Variants in NCKAP1 observed in about 807,000 individuals in gnomAD.
The protein encoded by NCKAP1 is nck-associated protein 1.
Under a neutral mutation model 151.2 loss-of-function variants are expected in NCKAP1, and 21 were observed. The observed-to-expected ratio is 0.14, with a 90% CI of 0.10 to 0.20. The LOEUF (loss-of-function observed/expected upper bound fraction) is 0.20, where lower values mean the gene tolerates loss of function less well. NCKAP1 is among the 10% of genes least tolerant of loss of function. The pLI, the probability that NCKAP1 is intolerant of heterozygous loss-of-function variation, is 1.00. For missense variants in NCKAP1, 933 were observed against 1,352.1 expected, an observed-to-expected ratio of 0.69 and a Z score of 4.86; for synonymous variants, 484 against 451.8, an observed-to-expected ratio of 1.07 and a Z score of -0.90.
At chr2:182,965,216 C>A (rs1423747629) in intron 16 of NCKAP1, among the ~76,000 whole-genome samples, 2 of 151,380 alleles carry the variant, frequency 1.3e-5, no homozygotes, top group African/African-American at 4.9e-5. Context: ...TGTGGTGAAA[C>A]CCTGTCTCTA....
rs1162919744 is a variant in NCKAP1, at chr2:182,923,265, T to C, written c.*2437A>G. 13 of 151,966 alleles carry C rather than the reference T, an allele frequency of 8.6e-5. No homozygotes were observed. The highest frequency in any genetic ancestry group is 8.5e-4 in the Admixed American group (13 of 15,250). The allele number at this position is 151,966 out of a possible 1,614,324, so 9.4% of individuals were successfully genotyped here. On this transcript the variant is annotated 3_prime_UTR_variant, in exon 31 of 31. Coordinates refer to ENST00000361354, the MANE Select transcript of NCKAP1 (RefSeq NM_013436.5). ...ATTGTCTAAAAATCTATCCAATCTA[T>C]CCAAATGAGTATTTTCTTTTTTTTT...
chr2:183,005,865 C>G (rs2105878934), intron 2 of NCKAP1, among the ~76,000 whole-genome samples: 1 of 152,292 alleles, frequency 6.6e-6, no homozygotes, highest in East Asian at 1.9e-4. Flanking sequence ...CATGTCCCAA[C>G]CCCACTATTC....
At chr2:182,990,050 A>C (rs574050117) in intron 8 of NCKAP1, among the ~76,000 whole-genome samples, 72 of 151,420 alleles carry the variant, frequency 4.8e-4, no homozygotes, top group Middle Eastern at 3.5e-3. Context: ...AAGAGAATCT[A>C]CTTTCCTAAT....
At chr2:182,939,328 G>A (rs1336254516) in intron 24 of NCKAP1, among the ~76,000 whole-genome samples, 1 of 151,992 alleles carries the variant, frequency 6.6e-6, no homozygotes, top group Non-Finnish European at 1.5e-5. Context: ...TCAGGAGTTC[G>A]AGACCAGCCT....
chr2:182,968,192 A>G (rs1421295214), intron 15 of NCKAP1, among the ~76,000 whole-genome samples: 1 of 152,204 alleles, frequency 6.6e-6, no homozygotes. Flanking sequence ...TTTTAGAAAG[A>G]TTACTCTGTA....
rs574895914 is a variant in NCKAP1 at position 182,925,514 on chromosome 2, C to T, written c.*188G>A. ...AATCTCAGTGAATTCAGTGAATGTGCAACCTAAATCAACCAAGTATACTGT... is the reference window on the plus strand; with the variant it reads ...AATCTCAGTGAATTCAGTGAATGTGTAACCTAAATCAACCAAGTATACTGT... On this transcript the variant is annotated 3_prime_UTR_variant, in exon 31 of 31. Coordinates refer to ENST00000361354, the MANE Select transcript of NCKAP1 (RefSeq NM_013436.5). The T allele has an allele frequency of 1.5e-4, 52 of 356,594 alleles. No individual in the cohort carries two copies. The highest frequency in any genetic ancestry group is 1.6e-3 in the Middle Eastern group (2 of 1,244). The allele number at this position is 356,594 out of a possible 1,614,324, so 22.1% of individuals were successfully genotyped here. A position where few individuals can be genotyped will look rare whatever the true frequency, so the allele number is the denominator to read the frequency against.
chr2:182,937,730 C>T (rs2105807239), intron 24 of NCKAP1, among the ~76,000 whole-genome samples: 1 of 152,140 alleles, frequency 6.6e-6, no homozygotes, highest in South Asian at 2.1e-4. Context: ...TGTGACACAC[C>T]AATTTGTAAA....
intron 1 of NCKAP1, among the ~76,000 whole-genome samples, chr2:183,035,727 A>T (rs1699088539): frequency 6.6e-6 from 1 of 152,186 alleles, no homozygotes; most frequent in South Asian, 2.1e-4. Context: ...ATAGGCTGAA[A>T]GATCCAAAAT....
At chr2:182,992,852 C>A (rs1187624226) in intron 8 of NCKAP1, among the ~76,000 whole-genome samples, 1 of 152,006 alleles carries the variant, frequency 6.6e-6, no homozygotes, top group Non-Finnish European at 1.5e-5. Flanking sequence ...GGAGTAGAAA[C>A]TTAATAATCT....
intron 4 of NCKAP1, among the ~76,000 whole-genome samples, chr2:183,002,771 T>C (rs1698398159): frequency 6.6e-6 from 1 of 152,008 alleles, no homozygotes; most frequent in South Asian, 2.1e-4. Flanking sequence ...TTTCCCAATA[T>C]GTACAAGACT....
rs1349618581 is a variant in NCKAP1, at chr2:182,942,105, G to C, written c.2660C>G (p.Pro887Arg). The C allele has an allele frequency of 6.2e-7, 1 of 1,613,286 alleles. No individual in the cohort carries two copies. The highest frequency in any genetic ancestry group is 8.5e-7 in the Non-Finnish European group (1 of 1,179,504). The change falls in exon 24 of 31, where the codon CCA (proline) becomes CGA (arginine). Residue 887 changes from proline to arginine, a missense_variant. By Grantham distance (103) the Pro-to-Arg change is moderately radical. Coordinates refer to ENST00000361354, the MANE Select transcript of NCKAP1 (RefSeq NM_013436.5). ...LTQMRTSFDK[P>R]DQMAALFKRL... Reference sequence around the variant, plus strand: ...TTTAAACAGTGCAGCCATCTGGTCTGGTTTGTCAAAGCTGGTCCTCATTTG... The same window carrying C: ...TTTAAACAGTGCAGCCATCTGGTCTCGTTTGTCAAAGCTGGTCCTCATTTG...
chr2:182,977,300 G>T (rs553343598), intron 14 of NCKAP1, among the ~76,000 whole-genome samples: 16 of 152,158 alleles, frequency 1.1e-4, no homozygotes, highest in African/African-American at 3.4e-4. Flanking sequence ...GACTAGCCTG[G>T]CCAACGTAGT....
intron 13 of NCKAP1, among the ~76,000 whole-genome samples, chr2:182,980,927 T>C (rs1434565196): frequency 1.3e-5 from 2 of 152,174 alleles, no homozygotes; most frequent in Non-Finnish European, 2.9e-5. Context: ...TTTTAAGTAG[T>C]ACACCTGATT....
chr2:183,000,003 G>T (rs974757197), intron 6 of NCKAP1, among the ~76,000 whole-genome samples: 4 of 152,132 alleles, frequency 2.6e-5, no homozygotes, highest in Admixed American at 2.6e-4. Context: ...TCCAGAAGTG[G>T]GAAGGAGAGG....
chr2:183,025,990 T>C (rs948942412), intron 1 of NCKAP1, among the ~76,000 whole-genome samples: 4 of 152,210 alleles, frequency 2.6e-5, no homozygotes, highest in African/African-American at 9.7e-5. Flanking sequence ...CCATATCCAT[T>C]TCCCACAACC....
In NCKAP1 at chr2:182,941,695, A is replaced by G. The variant is rs1696999160; in HGVS notation, c.2695+375T>C. ...ACCGTTTGCTTAAATGGTACATTTT[A>G]TTGTATGTAACTTATACGTATAAAG... On this transcript the variant is annotated intron_variant, in intron 24 of 30. Coordinates refer to ENST00000361354, the MANE Select transcript of NCKAP1 (RefSeq NM_013436.5). 2.6e-5 allele frequency among the ~76,000 whole-genome samples: 4 copies of G among 152,238 alleles called. No homozygotes were observed. The South Asian group carries it at 8.3e-4, about 31-fold the overall frequency.
chr2:182,965,269 AC>A (rs1697544132), intron 16 of NCKAP1, among the ~76,000 whole-genome samples: 1 of 16,646 alleles, frequency 6.0e-5, no homozygotes, highest in African/African-American at 2.5e-4. Flanking sequence ...TATTTTATGA[AC>A]CACTAAGAAA....
intron 15 of NCKAP1, among the ~76,000 whole-genome samples, chr2:182,974,259 T>TAAAA (rs1173365320): frequency 9.5e-5 from 6 of 63,280 alleles, no homozygotes; most frequent in Admixed American, 9.0e-4. Flanking sequence ...CTGTTGTCAC[T>TAAAA]AAAAAAAAAA....
intron 8 of NCKAP1, among the ~76,000 whole-genome samples, chr2:182,990,116 G>A (rs1469746006): frequency 2.0e-5 from 3 of 151,800 alleles, no homozygotes; most frequent in Non-Finnish European, 4.4e-5. Flanking sequence ...ATTTTTAATA[G>A]CAATTTATAG....
Sources: allele counts gnomAD v4.1 joint callset (sites outside exome capture counted in the v4.1 genomes callset), GRCh38; gene constraint gnomAD v4.1.1; transcripts MANE v1.5; gene names NCBI Gene and HGNC (gene_info 2026-07-23, HGNC 2026-07-21).